FSIP2: variants seen among roughly 807,000 people sequenced by gnomAD.
FSIP2 encodes fibrous sheath interacting protein 2.
Under a neutral mutation model 510.5 loss-of-function variants are expected in FSIP2, and 367 were observed. The observed-to-expected ratio is 0.72, with a 90% CI of 0.66 to 0.78. FSIP2 has a LOEUF of 0.78. Ranked by LOEUF, FSIP2 falls within the 30% of genes least tolerant of loss-of-function variation. The probability of loss-of-function intolerance (pLI) is 0.00; values close to 1 mark genes in which losing one functional copy is unlikely to be tolerated. For missense variants in FSIP2, 7,594 were observed against 7,901.7 expected, an observed-to-expected ratio of 0.96 and a Z score of 1.48; for synonymous variants, 2,601 against 2,732.2, an observed-to-expected ratio of 0.95 and a Z score of 1.50.
chr2:185,806,304 G>A lies in FSIP2; in HGVS notation c.16998G>A (p.Arg5666=). 3 of 1,608,246 alleles carry A rather than the reference G, an allele frequency of 1.9e-6. No homozygotes were observed. The highest frequency in any genetic ancestry group is 2.5e-6 in the Non-Finnish European group (3 of 1,177,322). ...GRRDSPTQTC[R]DEEHHSDYEH... The stretch of plus-strand genomic sequence containing the variant: ...GAGACTCTCCAACACAAACGTGTAG[G>A]GATGAGGAACACCACTCAGATTATG... Residue 5666 remains arginine, a synonymous_variant, in exon 17 of 23, where the codon AGG becomes AGA. Coordinates refer to ENST00000424728, the MANE Select transcript of FSIP2 (RefSeq NM_173651.4).
In FSIP2 at chr2:185,808,651, G is replaced by A. The variant is rs759445376; in HGVS notation, c.19345G>A (p.Ala6449Thr). Residue 6449 changes from alanine (A) to threonine (T), a missense_variant, in exon 17 of 23, where the codon GCC becomes ACC. Physicochemically the swap from Ala to Thr is moderately conservative, Grantham distance 58. Coordinates refer to ENST00000424728, the MANE Select transcript of FSIP2 (RefSeq NM_173651.4). Reference protein sequence around the residue: ...FYYDIKDTNTAFPKKVASLII... With the variant: ...FYYDIKDTNTTFPKKVASLII... ...TTATGATATAAAAGATACAAATACA[G>A]CCTTTCCTAAAAAAGTGGCTAGTTT... is the stretch of plus-strand genomic sequence containing the variant. 6.2e-7 allele frequency: 1 copy of A among 1,606,038 alleles called. No homozygotes were observed. Among genetic ancestry groups the A allele is most frequent in the Non-Finnish European group, 8.5e-7 (1 of 1,176,498 alleles).
upstream of FSIP2, chr2:185,738,568 A>G (rs1691834234): frequency 4.6e-6 from 7 of 1,524,992 alleles, no homozygotes; most frequent in Non-Finnish European, 6.1e-6. Flanking sequence ...CCAGTTACCC[A>G]CCAACAAAGC....
rs144940146 is a variant in FSIP2 at position 185,771,607 on chromosome 2, A to G, written c.1411+7042A>G. ...ATCAGTTTCCTGGGTCTGGCCCCTA[A>G]AACCATTCTTTCCTCCTAGGCCTCT... is the stretch of plus-strand genomic sequence containing the variant. On this transcript the variant is annotated intron_variant, in intron 13 of 22. Coordinates refer to ENST00000424728, the MANE Select transcript of FSIP2 (RefSeq NM_173651.4). Among the ~76,000 whole-genome samples, 484 of 152,236 alleles carry G rather than the reference A, an allele frequency of 3.2e-3. 1 individual carries two copies. Among genetic ancestry groups the G allele is most frequent in the Admixed American group, 9.2e-3 (141 of 15,294 alleles).
At chr2:185,745,722 G>T (rs1215159655) in intron 5 of FSIP2, among the ~76,000 whole-genome samples, 154 bp downstream of exon 5, 1 of 152,114 alleles carries the variant, frequency 6.6e-6, no homozygotes, top group East Asian at 1.9e-4. Flanking sequence ...AGAGGTGGAA[G>T]AATTTTCTAC....
In FSIP2 at chr2:185,802,569, G is replaced by T; in HGVS notation, c.13263G>T (p.Leu4421=). 6.5e-7 allele frequency: 1 copy of T among 1,530,288 alleles called. No individual in the cohort carries two copies. Among genetic ancestry groups the T allele is most frequent in the East Asian group, 2.5e-5 (1 of 40,808 alleles). The allele number at this position is 1,530,288 out of a possible 1,614,324, so 94.8% of individuals were successfully genotyped here. A position where few individuals can be genotyped will look rare whatever the true frequency, so the allele number is the denominator to read the frequency against. ...TTTCAGATTACCTTCTTCATCCACT[G>T]TTTTCTGGGGATTTTTCAGCTTCTA... ...AAISDYLLHP[L]FSGDFSASTY... is the part of the protein sequence containing the mutation. The change falls in exon 17 of 23, where the codon CTG becomes CTT. Residue 4421 remains leucine (L), a synonymous_variant. Transcript: ENST00000424728.
At chr2:185,785,195 C>G (rs958422502) in intron 14 of FSIP2, among the ~76,000 whole-genome samples, 1 of 151,994 alleles carries the variant, frequency 6.6e-6, no homozygotes, top group African/African-American at 2.4e-5. Flanking sequence ...TTGAGTTGAC[C>G]TAAGAAACCA....
At chr2:185,785,960 A>G (rs1023609452) in intron 14 of FSIP2, among the ~76,000 whole-genome samples, 4 of 152,058 alleles carry the variant, frequency 2.6e-5, no homozygotes, top group African/African-American at 9.6e-5. Flanking sequence ...GAGAAACACA[A>G]TGTAGGCATG....
At chr2:185,821,482 C>T (rs555066177) in intron 19 of FSIP2, among the ~76,000 whole-genome samples, 2 of 151,998 alleles carry the variant, frequency 1.3e-5, no homozygotes, top group African/African-American at 2.4e-5. Flanking sequence ...TGCAAGAAAA[C>T]ACTACAGAAC....
rs923170431 is a variant in FSIP2 at position 185,800,135 on chromosome 2, G to T, written c.10829G>T (p.Gly3610Val). 1.7e-5 allele frequency: 26 copies of T among 1,533,790 alleles called. No individual in the cohort carries two copies. The highest frequency in any genetic ancestry group is 2.1e-5 in the Non-Finnish European group (24 of 1,145,516). ...FDDLFQDLLV[G>V]VIHVLSKEIE... ...GACCTCTTTCAGGATCTCTTAGTAG[G>T]AGTGATTCATGTACTGTCCAAAGAA... is the stretch of plus-strand genomic sequence containing the variant. Residue 3610 changes from glycine to valine, a missense_variant, in exon 17 of 23, where the codon GGA (glycine) becomes GTA (valine). Gly to Val is a moderately radical substitution (Grantham distance 109). Coordinates refer to ENST00000424728, the MANE Select transcript of FSIP2 (RefSeq NM_173651.4).
chr2:185,780,724 G>A (rs1256968581), intron 13 of FSIP2, among the ~76,000 whole-genome samples: 3 of 151,918 alleles, frequency 2.0e-5, no homozygotes, highest in Non-Finnish European at 4.4e-5. Context: ...TTTCTGTGGA[G>A]AGTGGGAGGT....
Position 185,799,884 on chromosome 2 carries a change from A to C in FSIP2, c.10578A>C (p.Lys3526Asn). 6.5e-7 allele frequency: 1 copy of C among 1,533,776 alleles called. No individual in the cohort carries two copies. The highest frequency in any genetic ancestry group is 1.2e-5 in the South Asian group (1 of 83,842). The change falls in exon 17 of 23, where the codon AAA becomes AAC. Residue 3526 changes from lysine to asparagine, a missense_variant. Physicochemically the swap from Lys to Asn is moderately conservative, Grantham distance 94. Transcript: ENST00000424728. ...CCAAAAAGGGTAGAGAAAAAGAGAAAGCATGGGAAATTCAAGAAGCAACAT... is the reference window on the plus strand; with the variant it reads ...CCAAAAAGGGTAGAGAAAAAGAGAACGCATGGGAAATTCAAGAAGCAACAT... ...DGTKKGREKE[K>N]AWEIQEATFS...
At chr2:185,812,281 T>G (rs777196633) in intron 17 of FSIP2, among the ~76,000 whole-genome samples, 3 of 152,122 alleles carry the variant, frequency 2.0e-5, no homozygotes, top group Non-Finnish European at 4.4e-5. Flanking sequence ...GAAATTATTT[T>G]GGAGCTTTAA....
Position 185,803,135 on chromosome 2 carries a change from G to C in FSIP2, c.13829G>C (p.Arg4610Thr). Residue 4610 changes from arginine to threonine, a missense_variant, in exon 17 of 23, where the codon AGG becomes ACG. Arg to Thr is a moderately conservative substitution (Grantham distance 71). Coordinates refer to ENST00000424728, the MANE Select transcript of FSIP2 (RefSeq NM_173651.4). ...SSDTYFDDER[R>T]QLFYTSVYSS... is the part of the protein sequence containing the mutation. Reference sequence around the variant, plus strand: ...GACACATATTTTGATGATGAGAGAAGGCAGTTATTTTATACCAGTGTTTAC... The same window carrying C: ...GACACATATTTTGATGATGAGAGAACGCAGTTATTTTATACCAGTGTTTAC... The C allele has an allele frequency of 2.0e-6, 3 of 1,523,356 alleles. No individual in the cohort carries two copies. Among genetic ancestry groups the C allele is most frequent in the Non-Finnish European group, 2.6e-6 (3 of 1,142,218 alleles). 94.4% of individuals were successfully genotyped at this position (1,523,356 alleles called of 1,614,324 possible). A position where few individuals can be genotyped will look rare whatever the true frequency, so the allele number is the denominator to read the frequency against.
chr2:185,813,816 C>G lies in FSIP2; in HGVS notation c.20099C>G (p.Pro6700Arg), dbSNP rs1238619171. The part of the protein sequence containing the change: ...VKKPIQSKLS[P>R]KSTLSTSSLK... ...AAGCCAATACAAAGCAAACTTTCTC[C>G]TAAGTCAACACTAAGCACGAGCAGC... Residue 6700 changes from proline (P) to arginine (R), a missense_variant, in exon 18 of 23, where the codon CCT (proline) becomes CGT (arginine). Physicochemically the swap from Pro to Arg is moderately radical, Grantham distance 103 (BLOSUM62 -2). Coordinates refer to ENST00000424728, the MANE Select transcript of FSIP2 (RefSeq NM_173651.4). The G allele has an allele frequency of 6.2e-7, 1 of 1,613,478 alleles. No homozygotes were observed. Among genetic ancestry groups the G allele is most frequent in the Non-Finnish European group, 8.5e-7 (1 of 1,179,758 alleles).
At chr2:185,766,826 C>A (rs1369705803) in intron 13 of FSIP2, among the ~76,000 whole-genome samples, 1 of 135,788 alleles carries the variant, frequency 7.4e-6, no homozygotes, top group Non-Finnish European at 1.6e-5. Flanking sequence ...GGGTATATAC[C>A]CAAAGGACTA....
chr2:185,801,355 GA>G lies in FSIP2; in HGVS notation c.12051del (p.Glu4017AspfsTer44), dbSNP rs1693430656. Reference sequence around the variant, plus strand: ...ATTATTTGTCAACAATGTAGTGAATGAATTTAATAATGCTCAAGTCACTGTT... The same window carrying G: ...ATTATTTGTCAACAATGTAGTGAATGATTTAATAATGCTCAAGTCACTGTT... ...NTLFVNNVVN[E>X]FNNAQVTVLR... On this transcript the variant is annotated frameshift_variant, in exon 17 of 23. Coordinates refer to ENST00000424728, the MANE Select transcript of FSIP2 (RefSeq NM_173651.4). LOFTEE classifies it high-confidence loss of function. 6.5e-7 allele frequency: 1 copy of G among 1,533,932 alleles called. No homozygotes were observed.
chr2:185,782,341 C>T (rs1323676775), intron 13 of FSIP2, among the ~76,000 whole-genome samples: 1 of 152,050 alleles, frequency 6.6e-6, no homozygotes, highest in Non-Finnish European at 1.5e-5. Flanking sequence ...ATAAGCTGAA[C>T]GAGACCTAAA....
At chr2:185,748,210 G>A (rs114625961) in intron 7 of FSIP2, among the ~76,000 whole-genome samples, 1,573 of 151,980 alleles carry the variant, frequency 0.01, 17 homozygotes, top group African/African-American at 0.035. Context: ...TACCATCAGA[G>A]ACTCACTGCT....
At chr2:185,776,765 G>A (rs575167205) in intron 13 of FSIP2, among the ~76,000 whole-genome samples, 57 of 152,122 alleles carry the variant, frequency 3.7e-4, no homozygotes, top group African/African-American at 1.3e-3. Flanking sequence ...ACAGAGTCTC[G>A]CTCTGTTGCC....
Sources: gnomAD v4.1 joint callset for allele counts (sites outside exome capture counted in the v4.1 genomes callset) on GRCh38, gnomAD v4.1.1 for gene constraint, MANE v1.5 for transcripts, NCBI Gene and HGNC (gene_info 2026-07-23, HGNC 2026-07-21) for gene names.